TRIB2: variants seen among roughly 807,000 people sequenced by gnomAD.
TRIB2 encodes tribbles homolog 2.
A neutral mutation model predicts 26.8 loss-of-function variants in TRIB2; 2 were observed. The observed-to-expected ratio is 0.07, with a 90% CI of 0.03 to 0.24. The LOEUF (loss-of-function observed/expected upper bound fraction) is 0.24, where lower values mean the gene tolerates loss of function less well. Ranked by LOEUF, TRIB2 falls within the 10% of genes least tolerant of loss-of-function variation. The pLI is 1.00. For missense variants in TRIB2, 306 were observed against 449.0 expected, an observed-to-expected ratio of 0.68 and a Z score of 2.88; for synonymous variants, 189 against 187.3, an observed-to-expected ratio of 1.01 and a Z score of -0.08.
At chr2:12,729,601 T>G (rs1020416724) in intron 2 of TRIB2, among the ~76,000 whole-genome samples, 1 of 152,238 alleles carries the variant, frequency 6.6e-6, no homozygotes, top group East Asian at 1.9e-4. Context: ...GACATTGTTT[T>G]CAGTGTCTAT....
rs1661710933 is a variant in TRIB2, at chr2:12,741,446, A to G, written c.*652A>G. 1 of 152,496 alleles carries G rather than the reference A, an allele frequency of 6.6e-6. No individual in the cohort carries two copies. Among genetic ancestry groups the G allele is most frequent in the African/African-American group, 2.4e-5 (1 of 41,452 alleles). The allele number at this position is 152,496 out of a possible 1,614,324, so 9.4% of individuals were successfully genotyped here. A position where few individuals can be genotyped will look rare whatever the true frequency, so the allele number is the denominator to read the frequency against. ...TTAATGCTTTGCTCCCTGAAGGGGGAAAAAATCTGTCCTTTAACAAGCTAT... is the reference window on the plus strand; with the variant it reads ...TTAATGCTTTGCTCCCTGAAGGGGGGAAAAATCTGTCCTTTAACAAGCTAT... On this transcript the variant is annotated 3_prime_UTR_variant, in exon 3 of 3. Coordinates refer to ENST00000155926, the MANE Select transcript of TRIB2 (RefSeq NM_021643.4).
intron 2 of TRIB2, among the ~76,000 whole-genome samples, chr2:12,730,012 G>T (rs1661419847): frequency 6.6e-6 from 1 of 152,104 alleles, no homozygotes; most frequent in African/African-American, 2.4e-5. Flanking sequence ...ACAGCCCGGA[G>T]ATTCAATTAT....
At position 12,717,204 on chromosome 2, in the gene TRIB2, A is replaced by G. The variant is rs1186519026; in HGVS notation, c.-1104A>G. On this transcript the variant is annotated 5_prime_UTR_variant, in exon 1 of 3. Transcript: ENST00000155926. This position sits in a 1 kb window ranked among gnomAD's most constrained non-coding sequence, Gnocchi z 4.8. ...TCTCCAAAACAAACCCCACCGGGCA[A>G]TTTGGTCTCGGGGTAGGGGGAGACG... 2.5e-6 allele frequency: 1 copy of G among 394,222 alleles called. No individual in the cohort carries two copies. Among genetic ancestry groups the G allele is most frequent in the African/African-American group, 2.1e-5 (1 of 48,490 alleles). 24.4% of individuals were successfully genotyped at this position (394,222 alleles called of 1,614,324 possible).
intron 1 of TRIB2, among the ~76,000 whole-genome samples, chr2:12,719,366 C>G (rs769393368): frequency 2.0e-5 from 3 of 151,968 alleles, no homozygotes; most frequent in Non-Finnish European, 2.9e-5. Flanking sequence ...ATGGACACTT[C>G]GGTTTCCTTT....
Position 12,718,220 on chromosome 2 carries a change from T to G in TRIB2, c.-88T>G. 6.6e-7 allele frequency: 1 copy of G among 1,508,826 alleles called. No homozygotes were observed. The highest frequency in any genetic ancestry group is 8.9e-7 in the Non-Finnish European group (1 of 1,123,536). 93.5% of individuals were successfully genotyped at this position (1,508,826 alleles called of 1,614,324 possible). A position where few individuals can be genotyped will look rare whatever the true frequency, so the allele number is the denominator to read the frequency against. On this transcript the variant is annotated 5_prime_UTR_variant, in exon 1 of 3. Transcript: ENST00000155926. The surrounding 1 kb of genome is among the most constrained non-coding windows in gnomAD (Gnocchi z 4.0). The stretch of plus-strand genomic sequence containing the variant: ...CCCTCTCGCTCCCTTTTAAAATCAG[T>G]GGCACCGAGGCGCCTGCAGCCGCAC...
chr2:12,740,246 A>G lies in TRIB2; in HGVS notation c.564-80A>G, dbSNP rs538726159. 10 of 1,324,024 alleles carry G rather than the reference A, an allele frequency of 7.6e-6. No individual in the cohort carries two copies. Among genetic ancestry groups the G allele is most frequent in the African/African-American group, 2.9e-5 (2 of 68,506 alleles). The allele number at this position is 1,324,024 out of a possible 1,614,324, so 82.0% of individuals were successfully genotyped here. On this transcript the variant is annotated intron_variant, in intron 2 of 2. Coordinates refer to ENST00000155926, the MANE Select transcript of TRIB2 (RefSeq NM_021643.4). The surrounding 1 kb of genome is among the most constrained non-coding windows in gnomAD (Gnocchi z 5.8). ...TGAATGAGGAGTCTTCAGAAACACT[A>G]TAGTCGGTTATGTTATGATGCTGGT...
At chr2:12,720,180 G>C (rs529600516) in intron 1 of TRIB2, among the ~76,000 whole-genome samples, 20 of 152,208 alleles carry the variant, frequency 1.3e-4, no homozygotes, top group African/African-American at 4.8e-4. Context: ...TAAAATCAGA[G>C]GTGACTCTGG....
intron 2 of TRIB2, among the ~76,000 whole-genome samples, chr2:12,731,153 G>A (rs1262354039): frequency 6.6e-6 from 1 of 152,220 alleles, no homozygotes; most frequent in Non-Finnish European, 1.5e-5. Flanking sequence ...TTCCAACAGT[G>A]GAGTACGGTG....
chr2:12,740,403 G>C lies in TRIB2; in HGVS notation c.641G>C (p.Gly214Ala). The change falls in exon 3 of 3, where the codon GGC becomes GCC. Residue 214 changes from glycine to alanine, a missense_variant. Physicochemically the swap from Gly to Ala is moderately conservative, Grantham distance 60. Coordinates refer to ENST00000155926, the MANE Select transcript of TRIB2 (RefSeq NM_021643.4). This position sits in a 1 kb window ranked among gnomAD's most constrained non-coding sequence, Gnocchi z 5.8. ...GDDDSLSDKHGCPAYVSPEIL... is the reference protein window; with the variant it reads ...GDDDSLSDKHACPAYVSPEIL... ...GATGATTCCCTCTCCGACAAGCATG[G>C]CTGCCCGGCTTACGTAAGCCCAGAG... The C allele has an allele frequency of 6.2e-7, 1 of 1,614,126 alleles. No individual in the cohort carries two copies. Among genetic ancestry groups the C allele is most frequent in the Non-Finnish European group, 8.5e-7 (1 of 1,180,020 alleles).
In TRIB2 at chr2:12,717,724, C is replaced by T. The variant is rs1666625223; in HGVS notation, c.-584C>T. The T allele has an allele frequency of 2.6e-6, 1 of 379,668 alleles. No homozygotes were observed. Among genetic ancestry groups the T allele is most frequent in the African/African-American group, 2.1e-5 (1 of 48,146 alleles). The allele number at this position is 379,668 out of a possible 1,614,324, so 23.5% of individuals were successfully genotyped here. On this transcript the variant is annotated 5_prime_UTR_variant, in exon 1 of 3. Coordinates refer to ENST00000155926, the MANE Select transcript of TRIB2 (RefSeq NM_021643.4). The surrounding 1 kb of genome is among the most constrained non-coding windows in gnomAD (Gnocchi z 4.8). ...CTCTCCCGCACCCCCCCCTTACACG[C>T]CCCCCACCCTTTCCACCAAAAAAAG...
Position 12,741,001 on chromosome 2 carries a change from GA to G in TRIB2, c.*208del. On this transcript the variant is annotated 3_prime_UTR_variant, in exon 3 of 3. Transcript: ENST00000155926. ...GTGGGATGGGGATTGGGGTGAGATG[GA>G]TGGGAGCCCGCTGGAGCTTGTCTTC... is the stretch of plus-strand genomic sequence containing the variant. 1.8e-6 allele frequency: 1 copy of G among 571,164 alleles called. No individual in the cohort carries two copies. The highest frequency in any genetic ancestry group is 3.1e-6 in the Non-Finnish European group (1 of 324,628). The allele number at this position is 571,164 out of a possible 1,614,324, so 35.4% of individuals were successfully genotyped here.
At position 12,718,116 on chromosome 2, in the gene TRIB2, CG is replaced by C; in HGVS notation, c.-190del. On this transcript the variant is annotated 5_prime_UTR_variant, in exon 1 of 3. Transcript: ENST00000155926. This position sits in a 1 kb window ranked among gnomAD's most constrained non-coding sequence, Gnocchi z 4.0. Reference sequence around the variant, plus strand: ...ACCGAGGACCCCCGGGAGCCGGGCTCGGAGCAGACGAGGTATCCGGCGGCGC... The same window carrying C: ...ACCGAGGACCCCCGGGAGCCGGGCTCGAGCAGACGAGGTATCCGGCGGCGC... 1.3e-6 allele frequency: 1 copy of C among 756,686 alleles called. No homozygotes were observed. The highest frequency in any genetic ancestry group is 2.0e-6 in the Non-Finnish European group (1 of 488,894). 46.9% of individuals were successfully genotyped at this position (756,686 alleles called of 1,614,324 possible).
chr2:12,727,514 C>G (rs535364790), intron 2 of TRIB2, among the ~76,000 whole-genome samples: 2 of 152,290 alleles, frequency 1.3e-5, no homozygotes, highest in East Asian at 3.9e-4. Flanking sequence ...TGGTCTGGAA[C>G]CTGAGGCTCA....
chr2:12,724,474 C>T (rs1489836459), intron 2 of TRIB2, among the ~76,000 whole-genome samples: 3 of 152,220 alleles, frequency 2.0e-5, no homozygotes, highest in Non-Finnish European at 2.9e-5. Flanking sequence ...CATTGCTCAC[C>T]GTAGTTCCTG....
chr2:12,724,032 G>A (rs745440225), intron 2 of TRIB2, among the ~76,000 whole-genome samples: 5 of 152,148 alleles, frequency 3.3e-5, no homozygotes, highest in Non-Finnish European at 7.3e-5. Context: ...GATAGCCAAC[G>A]GACCTATAAA....
chr2:12,724,723 C>T lies in TRIB2; in HGVS notation c.563+1171C>T, dbSNP rs75012946. The T allele has an allele frequency of 1.9e-3, 3,138 of 1,612,882 alleles. 45 individuals carry two copies. The African/African-American group carries it at 0.034, about 18-fold the overall frequency. ...TTGGTCCTTCGTCTGTTTCCACCCT[C>T]CCCCTACCAGCCTCATATTTCTCCT... On this transcript the variant is annotated intron_variant, in intron 2 of 2. Coordinates refer to ENST00000155926, the MANE Select transcript of TRIB2 (RefSeq NM_021643.4).
rs557377262 is a variant in TRIB2 at position 12,726,078 on chromosome 2, G to A, written c.563+2526G>A. Among the ~76,000 whole-genome samples the A allele has an allele frequency of 2.1e-4, 32 of 152,356 alleles. No homozygotes were observed. The South Asian group carries it at 6.6e-3, about 32-fold the overall frequency. On this transcript the variant is annotated intron_variant, in intron 2 of 2. Coordinates refer to ENST00000155926, the MANE Select transcript of TRIB2 (RefSeq NM_021643.4). ...TTCTTCCAGCCCAAGTCACATGGAG[G>A]TCCCAGTGGGCTTGCTTTTCAGGAA...
At chr2:12,738,317 T>G (rs1041872715) in intron 2 of TRIB2, among the ~76,000 whole-genome samples, 10 of 152,164 alleles carry the variant, frequency 6.6e-5, no homozygotes, top group African/African-American at 2.2e-4. Context: ...TTTTCCAAGC[T>G]CTTTCTTATT....
rs762323829 is a variant in TRIB2, at chr2:12,718,288, C to G, written c.-20C>G. 1 of 1,595,350 alleles carries G rather than the reference C, an allele frequency of 6.3e-7. No homozygotes were observed. The highest frequency in any genetic ancestry group is 1.1e-5 in the South Asian group (1 of 89,288). On this transcript the variant is annotated 5_prime_UTR_variant, in exon 1 of 3. Transcript: ENST00000155926. This position sits in a 1 kb window ranked among gnomAD's most constrained non-coding sequence, Gnocchi z 4.0. Reference sequence around the variant, plus strand: ...CTCCAGCGGGTTTTTTTTTGTTTGTCGTGTGCGATCCTCACACTCATGAAC... The same window carrying G: ...CTCCAGCGGGTTTTTTTTTGTTTGTGGTGTGCGATCCTCACACTCATGAAC...
Sources: allele counts gnomAD v4.1 joint callset (sites outside exome capture counted in the v4.1 genomes callset), GRCh38; gene constraint gnomAD v4.1.1; non-coding constraint Gnocchi (gnomAD v3.1); transcripts MANE v1.5; gene names NCBI Gene and HGNC (gene_info 2026-07-23, HGNC 2026-07-21).